The following BRD10 variants were observed in gnomAD, a reference collection of about 807,000 sequenced individuals.
The protein encoded by BRD10 is uncharacterized bromodomain-containing protein 10.
the BRD10 span, among the ~76,000 whole-genome samples, chr9:5,940,105 T>C: frequency 1.6e-4 from 24 of 147,210 alleles, no homozygotes; most frequent in Non-Finnish European, 2.2e-4. Context: ...ATTAATTTTA[T>C]CCATTACTTG....
the BRD10 span, among the ~76,000 whole-genome samples, chr9:5,997,320 ATTG>A: frequency 6.6e-6 from 1 of 152,142 alleles, no homozygotes; most frequent in Non-Finnish European, 1.5e-5. Flanking sequence ...AGTGATTTTT[ATTG>A]TTTTCTTGCA....
the BRD10 span, among the ~76,000 whole-genome samples, chr9:5,914,429 T>G: frequency 8.1e-6 from 1 of 122,974 alleles, no homozygotes; most frequent in Non-Finnish European, 1.7e-5. Context: ...TTTTTTTTTT[T>G]TTTTTTTTTT....
At chr9:5,919,287 A>G in the BRD10 span, 1 of 155,314 alleles carries the variant, frequency 6.4e-6, no homozygotes, top group Non-Finnish European at 1.4e-5. Context: ...GATTTCACTA[A>G]TGACACTGAA....
At chr9:5,905,184 G>T in the BRD10 span, among the ~76,000 whole-genome samples, 2 of 152,126 alleles carry the variant, frequency 1.3e-5, no homozygotes, top group African/African-American at 4.8e-5. Context: ...TAGGCATTAT[G>T]AGTATCTTAA....
chr9:5,932,696 C>A, the BRD10 span, among the ~76,000 whole-genome samples: 4 of 152,124 alleles, frequency 2.6e-5, no homozygotes, highest in African/African-American at 9.7e-5. Context: ...TGAGACACAA[C>A]TGTATTTGCC....
chr9:5,879,941 A>G, the BRD10 span, among the ~76,000 whole-genome samples: 1 of 152,186 alleles, frequency 6.6e-6, no homozygotes, highest in African/African-American at 2.4e-5. Flanking sequence ...TCTTTCTGAG[A>G]CAGAATCTCG....
the BRD10 span, among the ~76,000 whole-genome samples, chr9:5,987,162 T>G: frequency 5.7e-3 from 854 of 149,272 alleles, 9 homozygotes; most frequent in African/African-American, 0.021. Context: ...TCAATAAACA[T>G]TAGCCATTCT....
chr9:5,951,873 T>G, the BRD10 span, among the ~76,000 whole-genome samples: 19 of 152,264 alleles, frequency 1.2e-4, no homozygotes, highest in Admixed American at 1.1e-3. Context: ...GCCGTGGTAT[T>G]CATATTGTAA....
At chr9:5,917,418 GAGAGGT>G in the BRD10 span, among the ~76,000 whole-genome samples, 1 of 152,226 alleles carries the variant, frequency 6.6e-6, no homozygotes, top group Non-Finnish European at 1.5e-5. Context: ...AATGAAGCTG[GAGAGGT>G]AGGCAGGAAC....
the BRD10 span, chr9:5,892,508 T>G: frequency 6.2e-7 from 1 of 1,613,784 alleles, no homozygotes; most frequent in Non-Finnish European, 8.5e-7. Flanking sequence ...CATCTATGGT[T>G]ACCCCAAGAA....
the BRD10 span, among the ~76,000 whole-genome samples, chr9:5,899,547 T>C: frequency 6.6e-6 from 1 of 152,062 alleles, no homozygotes; most frequent in African/African-American, 2.4e-5. Flanking sequence ...GACTCCAATA[T>C]TGGAGGAAAT....
At chr9:5,923,186 G>A in the BRD10 span, 1 of 1,613,970 alleles carries the variant, frequency 6.2e-7, no homozygotes, top group Non-Finnish European at 8.5e-7. Flanking sequence ...CACATAATCA[G>A]TTTGTTTGGA....
chr9:5,959,198 A>T, the BRD10 span, among the ~76,000 whole-genome samples: 2 of 152,082 alleles, frequency 1.3e-5, no homozygotes, highest in South Asian at 4.1e-4. Context: ...CACATAATCA[A>T]TCCTTACCTG....
the BRD10 span, chr9:5,945,090 A>G: frequency 6.7e-6 from 3 of 448,898 alleles, no homozygotes; most frequent in African/African-American, 6.1e-5. Context: ...AAGCAAGAAA[A>G]GCTCTGCAGT....
chr9:5,983,650 G>A, the BRD10 span, among the ~76,000 whole-genome samples: 509 of 152,140 alleles, frequency 3.3e-3, no homozygotes, highest in Non-Finnish European at 5.6e-3. Flanking sequence ...AAGAAAATAT[G>A]AGCAGCCTTG....
At chr9:5,950,064 T>C in the BRD10 span, among the ~76,000 whole-genome samples, 5 of 152,114 alleles carry the variant, frequency 3.3e-5, no homozygotes, top group Admixed American at 2.0e-4. Flanking sequence ...ATCATAACAA[T>C]ACAACAGGGA....
chr9:5,941,680 TAA>T, the BRD10 span, among the ~76,000 whole-genome samples: 3 of 152,296 alleles, frequency 2.0e-5, no homozygotes, highest in Admixed American at 6.5e-5. Context: ...TTTAAAACAC[TAA>T]GTCTTCCAGT....
At chr9:5,937,965 A>G in the BRD10 span, among the ~76,000 whole-genome samples, 1 of 152,236 alleles carries the variant, frequency 6.6e-6, no homozygotes, top group Non-Finnish European at 1.5e-5. Flanking sequence ...TTTCATTATT[A>G]TTCTGAACAT....
At chr9:5,969,501 G>T in the BRD10 span, 1 of 1,120,396 alleles carries the variant, frequency 8.9e-7, no homozygotes, top group Non-Finnish European at 1.2e-6. Context: ...TAAATTTTAA[G>T]TATATTTATC....
Sources: gnomAD v4.1 joint callset for allele counts (sites outside exome capture counted in the v4.1 genomes callset) on GRCh38, gnomAD v4.1.1 for gene constraint, MANE v1.5 for transcripts, NCBI Gene and HGNC (gene_info 2026-07-23, HGNC 2026-07-21) for gene names.